The following CDH22 variants were observed in gnomAD, a reference collection of about 807,000 sequenced individuals.
The protein encoded by CDH22 is cadherin 22.
In CDH22, 30 loss-of-function variants were observed where a neutral mutation model predicts 58.4. The ratio of observed to expected loss-of-function variants is 0.51; its 90% CI spans 0.38 to 0.70. The LOEUF is 0.70. CDH22 is among the 30% of genes least tolerant of loss of function. The pLI is 0.00. For missense variants in CDH22, 1,014 were observed against 1,233.9 expected, an observed-to-expected ratio of 0.82 and a Z score of 2.67; for synonymous variants, 513 against 558.2, an observed-to-expected ratio of 0.92 and a Z score of 1.14.
chr20:46,305,841 G>T (rs1423887683), intron 1 of CDH22, among the ~76,000 whole-genome samples: 7 of 152,252 alleles, frequency 4.6e-5, no homozygotes, highest in African/African-American at 1.7e-4. Context: ...CTATGGCCCG[G>T]CCCCCTGTCA....
intron 8 of CDH22, 123 bp from the exon 9 acceptor site, chr20:46,187,070 G>T (rs2085831988): frequency 3.0e-6 from 3 of 987,022 alleles, no homozygotes; most frequent in Admixed American, 2.7e-5. Context: ...GGTTAACCAA[G>T]CTGGTACAAG....
At chr20:46,181,155 C>A (rs2085781417) in intron 10 of CDH22, among the ~76,000 whole-genome samples, 1 of 152,272 alleles carries the variant, frequency 6.6e-6, no homozygotes, top group Middle Eastern at 3.4e-3. Flanking sequence ...AGAGCTACAC[C>A]AGCTCGCTGC....
chr20:46,190,583 T>C (rs1179890873), intron 8 of CDH22, among the ~76,000 whole-genome samples: 1 of 152,256 alleles, frequency 6.6e-6, no homozygotes, highest in Non-Finnish European at 1.5e-5. Context: ...GTTTAATTAT[T>C]TCTTCTTCTA....
chr20:46,287,037 G>C lies in CDH22; in HGVS notation c.-400+21218C>G, dbSNP rs954301916. Among the ~76,000 whole-genome samples the C allele has an allele frequency of 2.0e-5, 3 of 152,140 alleles. 1 individual carries two copies. Among genetic ancestry groups the C allele is most frequent in the Non-Finnish European group, 1.5e-5 (1 of 68,026 alleles). On this transcript the variant is annotated intron_variant, in intron 1 of 11. Transcript: ENST00000537909. ...TTTACTAAGCCCTCTGAGGGATAGA[G>C]GGGATGAAGCTGTGAACAAGACGGG...
At chr20:46,299,222 C>A (rs1476231020) in intron 1 of CDH22, among the ~76,000 whole-genome samples, 2 of 152,210 alleles carry the variant, frequency 1.3e-5, no homozygotes, top group Non-Finnish European at 2.9e-5. Context: ...GACACCGAAG[C>A]CTTTGCCAAG....
chr20:46,217,052 G>A, intron 4 of CDH22, 59 bp from the exon 5 acceptor site: 1 of 1,527,324 alleles, frequency 6.5e-7, no homozygotes, highest in Non-Finnish European at 8.9e-7. Context: ...CTGATGTGGA[G>A]ACCCCTGTAC....
At chr20:46,279,855 G>A (rs1399855350) in intron 1 of CDH22, among the ~76,000 whole-genome samples, 2 of 152,310 alleles carry the variant, frequency 1.3e-5, no homozygotes, top group African/African-American at 2.4e-5. Context: ...ATTGTTTGGA[G>A]GATCAAATTA....
chr20:46,277,331 G>A (rs1432846776), intron 1 of CDH22, among the ~76,000 whole-genome samples: 1 of 152,140 alleles, frequency 6.6e-6, no homozygotes, highest in Non-Finnish European at 1.5e-5. Context: ...TTTACCTCTG[G>A]AGAGCAGCGG....
At chr20:46,275,189 C>A (rs1177365288) in intron 1 of CDH22, among the ~76,000 whole-genome samples, 1 of 152,174 alleles carries the variant, frequency 6.6e-6, no homozygotes, top group Non-Finnish European at 1.5e-5. Flanking sequence ...CCCCTGTGGC[C>A]CCTCTCACCC....
At chr20:46,181,236 A>G (rs2085781901) in intron 10 of CDH22, among the ~76,000 whole-genome samples, 1 of 152,180 alleles carries the variant, frequency 6.6e-6, no homozygotes, top group Admixed American at 6.5e-5. Context: ...AATTTAGTCT[A>G]CAATTACAAA....
At chr20:46,218,967 C>T (rs1002903770) in intron 4 of CDH22, among the ~76,000 whole-genome samples, 2 of 152,158 alleles carry the variant, frequency 1.3e-5, no homozygotes, top group African/African-American at 4.8e-5. Context: ...ATGCTGCGCC[C>T]CATAAAACCC....
intron 2 of CDH22, among the ~76,000 whole-genome samples, chr20:46,247,342 G>T (rs921821705): frequency 2.3e-5 from 3 of 129,022 alleles, no homozygotes; most frequent in African/African-American, 8.3e-5. Flanking sequence ...CTGAGGCACA[G>T]AGAGGGTAAA....
intron 1 of CDH22, among the ~76,000 whole-genome samples, chr20:46,306,466 T>G (rs1055022918): frequency 4.6e-5 from 7 of 152,234 alleles, no homozygotes; most frequent in African/African-American, 1.7e-4. Context: ...GCCCCTTAGC[T>G]GAGAGAGACC....
Position 46,241,000 on chromosome 20 carries a change from G to T in CDH22, c.513C>A (p.Gly171=). The T allele has an allele frequency of 6.2e-7, 1 of 1,613,834 alleles. No homozygotes were observed. Among genetic ancestry groups the T allele is most frequent in the Non-Finnish European group, 8.5e-7 (1 of 1,179,896 alleles). Residue 171 remains glycine, a synonymous_variant, in exon 3 of 12, where the codon GGC becomes GGA. Transcript: ENST00000537909. ...GCTCGGCCACGCTGCCAATATAGGG[G>T]CCGTGCAGGAAGCGGGGCTCACTGT... ...INDSEPRFLH[G]PYIGSVAELS...
At position 46,229,299 on chromosome 20, in the gene CDH22, C is replaced by G. The variant is rs112104557; in HGVS notation, c.551-1672G>C. ...CGGAGATGCAGAGTGGCCCCCCCCC[C>G]CAATTTTACAGCTGAGGAATCAAGT... is the stretch of plus-strand genomic sequence containing the variant. On this transcript the variant is annotated intron_variant, in intron 3 of 11. Coordinates refer to ENST00000537909, the MANE Select transcript of CDH22 (RefSeq NM_021248.3). Among the ~76,000 whole-genome samples the G allele has an allele frequency of 7.1e-3, 1,038 of 147,178 alleles. 9 individuals are homozygous for G. Among genetic ancestry groups the G allele is most frequent in the Non-Finnish European group, 9.5e-3 (633 of 66,468 alleles).
intron 1 of CDH22, among the ~76,000 whole-genome samples, chr20:46,276,459 TG>T (rs1204508873): frequency 6.6e-6 from 1 of 152,060 alleles, no homozygotes; most frequent in African/African-American, 2.4e-5. Context: ...TGGATGTAGG[TG>T]GTCAGCAAAG....
intron 8 of CDH22, among the ~76,000 whole-genome samples, chr20:46,189,479 G>T (rs960941094): frequency 8.5e-5 from 13 of 152,148 alleles, no homozygotes; most frequent in African/African-American, 2.7e-4. Flanking sequence ...CCCTGCAGTG[G>T]AGGGTGGTGG....
chr20:46,265,518 G>A (rs973525015), intron 1 of CDH22, among the ~76,000 whole-genome samples: 14 of 152,050 alleles, frequency 9.2e-5, no homozygotes, highest in African/African-American at 3.4e-4. Context: ...TAACCCATTG[G>A]TTCCTTCTGT....
At chr20:46,187,198 A>T (rs1341258297) in intron 8 of CDH22, among the ~76,000 whole-genome samples, 2 of 152,104 alleles carry the variant, frequency 1.3e-5, no homozygotes, top group East Asian at 3.9e-4. Flanking sequence ...CACCACAATC[A>T]CCAGTAGCAC....
Sources: gnomAD v4.1 joint callset for allele counts (sites outside exome capture counted in the v4.1 genomes callset) on GRCh38, gnomAD v4.1.1 for gene constraint, MANE v1.5 for transcripts, NCBI Gene and HGNC (gene_info 2026-07-23, HGNC 2026-07-21) for gene names.